NLGN1: variants seen among roughly 807,000 people sequenced by gnomAD.
NLGN1 encodes neuroligin-1.
Under a neutral mutation model 65.5 loss-of-function variants are expected in NLGN1, and 12 were observed. The ratio of observed to expected loss-of-function variants is 0.18; its 90% CI spans 0.12 to 0.30. The LOEUF is 0.30. Ranked by LOEUF, NLGN1 falls within the 10% of genes least tolerant of loss-of-function variation. The pLI, the probability that NLGN1 is intolerant of heterozygous loss-of-function variation, is 1.00. For synonymous variants in NLGN1, 350 were observed against 359.5 expected (o/e 0.97, Z 0.30); for missense variants, 750 against 1,007.1 (o/e 0.74, Z 3.46).
At chr3:174,203,119 C>G (rs964928475) in intron 4 of NLGN1, among the ~76,000 whole-genome samples, 1 of 152,154 alleles carries the variant, frequency 6.6e-6, no homozygotes, top group South Asian at 2.1e-4. Context: ...GCTCTCTCCT[C>G]CTATGATTAT....
At chr3:174,183,111 T>C (rs1254298522) in intron 4 of NLGN1, among the ~76,000 whole-genome samples, 1 of 151,958 alleles carries the variant, frequency 6.6e-6, no homozygotes, top group African/African-American at 2.4e-5. Context: ...CACCACACTC[T>C]TTCTTACCTC....
chr3:174,176,612 T>C (rs184324785), intron 4 of NLGN1, among the ~76,000 whole-genome samples: 5 of 152,122 alleles, frequency 3.3e-5, no homozygotes, highest in Admixed American at 2.6e-4. Context: ...TCTAGAAGGA[T>C]GTAAATTGTT....
chr3:174,220,683 G>T (rs1240385158), intron 4 of NLGN1, among the ~76,000 whole-genome samples: 1 of 152,060 alleles, frequency 6.6e-6, no homozygotes, highest in Non-Finnish European at 1.5e-5. Flanking sequence ...ACAGTGTGTA[G>T]ATCCATTTTT....
intron 3 of NLGN1, among the ~76,000 whole-genome samples, chr3:173,610,353 T>A (rs1752095954): frequency 2.0e-5 from 3 of 151,952 alleles, no homozygotes; most frequent in Admixed American, 2.0e-4. Flanking sequence ...ACATGTTTAA[T>A]TTGAGGTGAC....
At chr3:173,877,031 T>C (rs1732254617) in intron 4 of NLGN1, among the ~76,000 whole-genome samples, 1 of 152,182 alleles carries the variant, frequency 6.6e-6, no homozygotes, top group Non-Finnish European at 1.5e-5. Context: ...GATATTTGCC[T>C]AGTCCCCAAG....
chr3:173,764,387 A>G, intron 3 of NLGN1, among the ~76,000 whole-genome samples: 1 of 152,162 alleles, frequency 6.6e-6, no homozygotes, highest in East Asian at 1.9e-4. Context: ...GAGGGGTGTG[A>G]CTGAATCACT....
intron 4 of NLGN1, among the ~76,000 whole-genome samples, chr3:173,838,898 GAA>G (rs2150658711): frequency 6.6e-6 from 1 of 152,270 alleles, no homozygotes; most frequent in South Asian, 2.1e-4. Flanking sequence ...TGCTTCACAT[GAA>G]AAGTCTTACT....
At chr3:173,653,243 T>G (rs555628418) in intron 3 of NLGN1, among the ~76,000 whole-genome samples, 12 of 152,270 alleles carry the variant, frequency 7.9e-5, no homozygotes, top group African/African-American at 2.6e-4. Context: ...TATTTCTCTT[T>G]CCTGATTGCT....
At chr3:173,425,144 A>G (rs1715865895) in intron 1 of NLGN1, among the ~76,000 whole-genome samples, 1 of 152,142 alleles carries the variant, frequency 6.6e-6, no homozygotes, top group South Asian at 2.1e-4. Flanking sequence ...AAACCATCAG[A>G]TCTTGTGAGA....
In NLGN1 at chr3:173,891,329, C is replaced by T. The variant is rs1052786615; in HGVS notation, c.646+83497C>T. 5.3e-5 allele frequency among the ~76,000 whole-genome samples: 8 copies of T among 152,142 alleles called. No homozygotes were observed. The East Asian group carries it at 1.3e-3, about 26-fold the overall frequency. ...GATTATGGGCTGATAATCATATCCC[C>T]TTAGATTCTCTTTAACCTAATGTGA... On this transcript the variant is annotated intron_variant, in intron 4 of 6. Transcript: ENST00000457714.
At chr3:173,474,010 C>G (rs955299788) in intron 2 of NLGN1, among the ~76,000 whole-genome samples, 6 of 152,120 alleles carry the variant, frequency 3.9e-5, no homozygotes, top group African/African-American at 1.4e-4. Flanking sequence ...GCCTCAAACC[C>G]AGGGCTAGAA....
chr3:174,256,752 A>G (rs1443664586), intron 4 of NLGN1, among the ~76,000 whole-genome samples: 1 of 152,198 alleles, frequency 6.6e-6, no homozygotes, highest in African/African-American at 2.4e-5. Flanking sequence ...TCATATGCAA[A>G]AGTCAATTCA....
chr3:173,908,590 A>ACCTATGCTG (rs11282194), intron 4 of NLGN1, among the ~76,000 whole-genome samples: 8,779 of 152,216 alleles, frequency 0.058, 384 homozygotes, highest in Middle Eastern at 0.13. Flanking sequence ...AACAGCACCT[A>ACCTATGCTG]GTTTTAAAGT....
At chr3:173,601,335 C>T (rs949034269) in intron 2 of NLGN1, among the ~76,000 whole-genome samples, 6 of 151,990 alleles carry the variant, frequency 3.9e-5, no homozygotes, top group South Asian at 4.1e-4. Context: ...ACAGGTTATC[C>T]GTCTTAGGTG....
intron 4 of NLGN1, among the ~76,000 whole-genome samples, chr3:174,025,123 T>A (rs755730020): frequency 2.6e-5 from 4 of 152,200 alleles, no homozygotes; most frequent in Non-Finnish European, 4.4e-5. Context: ...ACTGCATTTT[T>A]CATTTCTAGT....
intron 4 of NLGN1, among the ~76,000 whole-genome samples, chr3:173,838,553 A>G (rs1724116575): frequency 6.6e-6 from 1 of 152,178 alleles, no homozygotes; most frequent in Non-Finnish European, 1.5e-5. Context: ...CATACGCTTA[A>G]TAAGAACTGG....
chr3:173,833,863 A>C (rs1048470447), intron 4 of NLGN1, among the ~76,000 whole-genome samples: 6 of 152,124 alleles, frequency 3.9e-5, no homozygotes, highest in African/African-American at 1.4e-4. Context: ...ATATAGTCAA[A>C]TATACATTTT....
chr3:173,573,400 T>A (rs1048150656), intron 2 of NLGN1, among the ~76,000 whole-genome samples: 1 of 151,946 alleles, frequency 6.6e-6, no homozygotes, highest in African/African-American at 2.4e-5. Flanking sequence ...TGCCTTCAAG[T>A]CAGCTGAGAG....
intron 4 of NLGN1, among the ~76,000 whole-genome samples, chr3:174,072,236 T>G (rs544545862): frequency 6.6e-6 from 1 of 152,256 alleles, no homozygotes; most frequent in African/African-American, 2.4e-5. Flanking sequence ...AATTCATGGG[T>G]TTGCCTAAAA....
Sources: gnomAD v4.1 joint callset for allele counts (sites outside exome capture counted in the v4.1 genomes callset) on GRCh38, gnomAD v4.1.1 for gene constraint, MANE v1.5 for transcripts, NCBI Gene and HGNC (gene_info 2026-07-23, HGNC 2026-07-21) for gene names.